The following DCAF6 variants were observed in gnomAD, a reference collection of about 807,000 sequenced individuals.
DCAF6 encodes DDB1- and CUL4-associated factor 6.
In DCAF6, 54 loss-of-function variants were observed where a neutral mutation model predicts 125.1. The observed-to-expected ratio is 0.43, with a 90% CI of 0.35 to 0.54. DCAF6 has a LOEUF of 0.54. DCAF6 is among the 20% of genes least tolerant of loss of function. The pLI is 0.01. For missense variants in DCAF6, 934 were observed against 1,161.7 expected (o/e 0.80, Z 2.85); for synonymous variants, 371 against 390.4 (o/e 0.95, Z 0.58).
At chr1:168,049,643 A>G (rs1267369476) in intron 16 of DCAF6, among the ~76,000 whole-genome samples, 2 of 132,678 alleles carry the variant, frequency 1.5e-5, no homozygotes, top group Non-Finnish European at 3.1e-5. Flanking sequence ...TAATCTGCAT[A>G]TAATTTTTTT....
chr1:168,003,912 A>T lies in DCAF6; in HGVS notation c.1040A>T (p.Asp347Val). Residue 347 changes from aspartate to valine, a missense_variant, in exon 9 of 22, where the codon GAT becomes GTT. By Grantham distance (152) the Asp-to-Val change is radical (BLOSUM62 -3). Around this residue, in one of 5 missense-constraint regions of DCAF6, gnomAD observed 559 missense variants for 635.5 expected, o/e 0.88. Coordinates refer to ENST00000367840, the MANE Select transcript of DCAF6 (RefSeq NM_001198956.2). The stretch of plus-strand genomic sequence containing the variant: ...GTGTCATTGATGCAGAGAATGTCTG[A>T]TATGTTATCAAGATGGTTTGAAGAA... ...PNVSLMQRMS[D>V]MLSRWFEEAS... is the part of the protein sequence containing the mutation. 1 of 1,611,846 alleles carries T rather than the reference A, an allele frequency of 6.2e-7. No homozygotes were observed. The highest frequency in any genetic ancestry group is 8.5e-7 in the Non-Finnish European group (1 of 1,179,210).
At chr1:167,897,556 GATGC>G in the DCAF6 span, among the ~76,000 whole-genome samples, 4 of 14 alleles carry the variant, frequency 0.29, no homozygotes, top group Non-Finnish European at 0.5. Context: ...TGTTGTTGGA[GATGC>G]AGAAGAGATG....
At chr1:167,880,569 T>A in the DCAF6 span, 1 of 1,613,208 alleles carries the variant, frequency 6.2e-7, no homozygotes, top group Non-Finnish European at 8.5e-7. Flanking sequence ...GTCAGGTACC[T>A]TTTCCCCAGG....
intron 10 of DCAF6, among the ~76,000 whole-genome samples, chr1:168,012,769 T>C (rs1481471776): frequency 2.6e-5 from 4 of 152,178 alleles, no homozygotes; most frequent in Non-Finnish European, 4.4e-5. Context: ...TACAAGCAGC[T>C]TTCAAAGCAG....
the DCAF6 span, among the ~76,000 whole-genome samples, chr1:167,915,848 C>T: frequency 2.6e-5 from 4 of 152,160 alleles, no homozygotes; most frequent in African/African-American, 7.2e-5. Context: ...GAAGTCAGTA[C>T]TATGATTATC....
At chr1:167,952,197 GTTTGTT>G (rs376537520) in intron 2 of DCAF6, among the ~76,000 whole-genome samples, 1,561 of 151,090 alleles carry the variant, frequency 0.01, 31 homozygotes, top group African/African-American at 0.034. Flanking sequence ...ACTTTTTTTT[GTTTGTT>G]TTTGTTTTTG....
At chr1:167,886,298 T>C in the DCAF6 span, among the ~76,000 whole-genome samples, 1 of 152,090 alleles carries the variant, frequency 6.6e-6, no homozygotes, top group Non-Finnish European at 1.5e-5. Flanking sequence ...CTTCAAACTA[T>C]ACTACAAGGC....
At chr1:167,930,481 C>T in the DCAF6 span, among the ~76,000 whole-genome samples, 956 of 152,184 alleles carry the variant, frequency 6.3e-3, 8 homozygotes, top group African/African-American at 0.022. Context: ...TCCCTAAATC[C>T]TAATCTAACA....
At chr1:167,895,578 C>G in the DCAF6 span, among the ~76,000 whole-genome samples, 3 of 152,218 alleles carry the variant, frequency 2.0e-5, no homozygotes, top group Non-Finnish European at 2.9e-5. Flanking sequence ...TATTAGATGC[C>G]TATTTGACAT....
At chr1:168,046,671 G>A (rs1213804104) in intron 16 of DCAF6, among the ~76,000 whole-genome samples, 2 of 152,116 alleles carry the variant, frequency 1.3e-5, no homozygotes, top group African/African-American at 2.4e-5. Flanking sequence ...CCCAGAGGGA[G>A]TTCCTTAGAA....
rs142416798 is a variant in DCAF6, at chr1:167,951,234, G to T, written c.98-566G>T. Among the ~76,000 whole-genome samples, 351 of 152,216 alleles carry T rather than the reference G, an allele frequency of 2.3e-3. 2 individuals are homozygous for T. The highest frequency in any genetic ancestry group is 8.2e-3 in the African/African-American group (340 of 41,520). On this transcript the variant is annotated intron_variant, in intron 1 of 21. Coordinates refer to ENST00000367840, the MANE Select transcript of DCAF6 (RefSeq NM_001198956.2). ...TGAATGAATAAATGAAGAAATGTAC[G>T]AGTGTTTATTGTGGTCCAGATACTG...
chr1:167,920,752 C>A, the DCAF6 span: 5 of 938,296 alleles, frequency 5.3e-6, no homozygotes, highest in South Asian at 4.2e-5. Flanking sequence ...ATTTTAGTGT[C>A]CATTCATTAA....
Position 167,951,940 on chromosome 1 carries a change from C to T in DCAF6, c.159+79C>T, listed in dbSNP as rs1308266034. The stretch of plus-strand genomic sequence containing the variant: ...TGTTTGATGAAATGTCCCAATCCTC[C>T]CAGAAAGGATTGTGACTATAATAAA... On this transcript the variant is annotated intron_variant, in intron 2 of 21. Coordinates refer to ENST00000367840, the MANE Select transcript of DCAF6 (RefSeq NM_001198956.2). The T allele has an allele frequency of 4.7e-6, 4 of 848,114 alleles. No homozygotes were observed. In the African/African-American group the frequency reaches 5.1e-5, roughly 11 times the overall value. 52.5% of individuals were successfully genotyped at this position (848,114 alleles called of 1,614,324 possible).
intron 12 of DCAF6, among the ~76,000 whole-genome samples, chr1:168,027,224 T>C (rs559153520): frequency 3.3e-4 from 50 of 152,208 alleles, no homozygotes; most frequent in African/African-American, 1.1e-3. Context: ...GTAGAGACTT[T>C]GTTATGTCTC....
chr1:168,001,557 A>G (rs1682626472), intron 7 of DCAF6, among the ~76,000 whole-genome samples: 1 of 152,162 alleles, frequency 6.6e-6, no homozygotes, highest in South Asian at 2.1e-4. Flanking sequence ...TTGAATATAG[A>G]ATTTTCTCAA....
intron 17 of DCAF6, among the ~76,000 whole-genome samples, chr1:168,051,428 C>A (rs888802953): frequency 6.6e-6 from 1 of 152,176 alleles, no homozygotes; most frequent in South Asian, 2.1e-4. Flanking sequence ...AATAGTGTCA[C>A]ATATCAAGAT....
chr1:167,886,132 T>G, the DCAF6 span, among the ~76,000 whole-genome samples: 1 of 152,088 alleles, frequency 6.6e-6, no homozygotes, highest in Non-Finnish European at 1.5e-5. Context: ...TCAAGGTAAT[T>G]TATAGATTCC....
intron 12 of DCAF6, among the ~76,000 whole-genome samples, chr1:168,037,682 A>G (rs551617566): frequency 2.2e-4 from 34 of 152,190 alleles, no homozygotes; most frequent in Non-Finnish European, 4.4e-4. Flanking sequence ...TGTGTATTAT[A>G]GACATCATCT....
rs1305288279 is a variant in DCAF6 at position 168,023,132 on chromosome 1, G to A, written c.1609+85G>A. 7.4e-6 allele frequency: 10 copies of A among 1,344,000 alleles called. No homozygotes were observed. The African/African-American group carries it at 1.3e-4, about 17-fold the overall frequency. The allele number at this position is 1,344,000 out of a possible 1,614,324, so 83.3% of individuals were successfully genotyped here. ...ACTAAGCTCTCTCACACCTTTCGTAGCATTTCATTTTGATTATGGTCTTAT... is the reference window on the plus strand; with the variant it reads ...ACTAAGCTCTCTCACACCTTTCGTAACATTTCATTTTGATTATGGTCTTAT... On this transcript the variant is annotated intron_variant, in intron 12 of 21. Coordinates refer to ENST00000367840, the MANE Select transcript of DCAF6 (RefSeq NM_001198956.2).
Sources: allele counts gnomAD v4.1 joint callset (sites outside exome capture counted in the v4.1 genomes callset), GRCh38; gene constraint gnomAD v4.1.1; regional missense constraint gnomAD v4.1.1; transcripts MANE v1.5; gene names NCBI Gene and HGNC (gene_info 2026-07-23, HGNC 2026-07-21).